ASH1L: variants seen among roughly 807,000 people sequenced by gnomAD.
ASH1L encodes histone-lysine N-methyltransferase ASH1L.
Under a neutral mutation model 269.0 loss-of-function variants are expected in ASH1L, and 23 were observed. That is an observed-to-expected ratio of 0.09 (90% CI 0.06 to 0.12). The LOEUF is 0.12. Ranked by LOEUF, ASH1L falls within the 10% of genes least tolerant of loss-of-function variation. ASH1L has a pLI of 1.00. For synonymous variants in ASH1L, 1,187 were observed against 1,253.5 expected (o/e 0.95, Z 1.12); for missense variants, 2,912 against 3,567.8 (o/e 0.82, Z 4.68).
chr1:155,494,727 T>C (rs1413324347), intron 2 of ASH1L, among the ~76,000 whole-genome samples: 1 of 152,144 alleles, frequency 6.6e-6, no homozygotes, highest in Non-Finnish European at 1.5e-5. Flanking sequence ...AAAATTGAAA[T>C]ACTTACTAAA....
At position 155,344,219 on chromosome 1, in the gene ASH1L, T is replaced by G; in HGVS notation, c.7945A>C (p.Ile2649Leu). The G allele has an allele frequency of 6.2e-7, 1 of 1,614,066 alleles. No individual in the cohort carries two copies. Among genetic ancestry groups the G allele is most frequent in the Non-Finnish European group, 8.5e-7 (1 of 1,180,018 alleles). The change falls in exon 22 of 28, where the codon ATC becomes CTC. Residue 2649 changes from isoleucine (I) to leucine (L), a missense_variant. Physicochemically the swap from Ile to Leu is conservative, Grantham distance 5. Coordinates refer to ENST00000392403, the MANE Select transcript of ASH1L (RefSeq NM_018489.3). ...HYAQPGCVYF[I>L]CLLRDDLLLR... Reference sequence around the variant, plus strand: ...AGCAAGTCATCTCGGAGCAAACAGATGAAGTAGACACAGCCAGGTTGGGCA... The same window carrying G: ...AGCAAGTCATCTCGGAGCAAACAGAGGAAGTAGACACAGCCAGGTTGGGCA...
intron 24 of ASH1L, 140 bp from the exon 25 acceptor site, chr1:155,342,242 T>A (rs540853392): frequency 2.8e-6 from 2 of 724,406 alleles, no homozygotes; most frequent in Non-Finnish European, 4.6e-6. Flanking sequence ...GCAGGACAAC[T>A]AAGCATTTGG....
intron 6 of ASH1L, among the ~76,000 whole-genome samples, chr1:155,410,845 A>G (rs188970244): frequency 2.1e-3 from 316 of 150,018 alleles, no homozygotes; most frequent in African/African-American, 7.5e-3. Flanking sequence ...GGCTCAAGCA[A>G]TCCTCCAGCT....
At chr1:155,557,502 G>A (rs1219992695) in intron 1 of ASH1L, among the ~76,000 whole-genome samples, 2 of 151,572 alleles carry the variant, frequency 1.3e-5, no homozygotes, top group Non-Finnish European at 1.5e-5. Flanking sequence ...GGATGGTCTC[G>A]TTCTCCTGAC....
intron 10 of ASH1L, among the ~76,000 whole-genome samples, chr1:155,374,707 T>C (rs190327571): frequency 3.9e-5 from 6 of 152,352 alleles, no homozygotes; most frequent in Admixed American, 3.9e-4. Context: ...TTCCTGTCTT[T>C]TCTGGTAGAA....
chr1:155,438,221 TA>T, intron 5 of ASH1L, 105 bp downstream of exon 5: 1 of 1,225,902 alleles, frequency 8.2e-7, no homozygotes, highest in Non-Finnish European at 1.1e-6. Flanking sequence ...TCTCATATAG[TA>T]AAAAATGAAA....
intron 15 of ASH1L, among the ~76,000 whole-genome samples, 200 bp downstream of exon 15, chr1:155,357,116 C>CAT (rs1393051486): frequency 1.2e-5 from 1 of 86,304 alleles, no homozygotes; most frequent in Non-Finnish European, 2.0e-5. Flanking sequence ...CACACACACA[C>CAT]ACAAAAGGGT....
At chr1:155,362,864 C>A (rs563870763) in intron 12 of ASH1L, among the ~76,000 whole-genome samples, 17 of 152,298 alleles carry the variant, frequency 1.1e-4, no homozygotes, top group African/African-American at 3.1e-4. Flanking sequence ...GTCTCCTTAC[C>A]AATGTGGAAC....
At chr1:155,376,742 C>A (rs920998653) in intron 10 of ASH1L, among the ~76,000 whole-genome samples, 3 of 151,184 alleles carry the variant, frequency 2.0e-5, no homozygotes, top group Non-Finnish European at 4.4e-5. Flanking sequence ...GTAATCCCAG[C>A]TACTTGGGAG....
Position 155,341,959 on chromosome 1 carries a change from G to C in ASH1L, c.8437C>G (p.Leu2813Val). The C allele has an allele frequency of 6.2e-7, 1 of 1,614,024 alleles. No homozygotes were observed. Among genetic ancestry groups the C allele is most frequent in the Non-Finnish European group, 8.5e-7 (1 of 1,179,944 alleles). ...PYAFDHFPKK[L>V]TPKKDFSPHY... ...ACCGAGAAATCTTTTTTGGGAGTGA[G>C]CTTCTTGGGGAAGTGATCAAAAGCA... Residue 2813 changes from leucine to valine, a missense_variant, in exon 25 of 28, where the codon CTC becomes GTC. Around this residue, in one of 13 missense-constraint regions of ASH1L, gnomAD observed 179 missense variants for 293.8 expected, o/e 0.61. Transcript: ENST00000392403.
At chr1:155,446,611 CTTTT>C (rs1186369283) in intron 4 of ASH1L, among the ~76,000 whole-genome samples, 2 of 132,992 alleles carry the variant, frequency 1.5e-5, no homozygotes, top group South Asian at 2.4e-4. Flanking sequence ...ATTTCAGTTT[CTTTT>C]TTTTTTTTTT....
At chr1:155,349,485 T>G (rs575887287) in intron 18 of ASH1L, 26 bp from the exon 19 acceptor site, 1 of 1,614,074 alleles carries the variant, frequency 6.2e-7, no homozygotes, top group African/African-American at 1.3e-5. Flanking sequence ...AGGGTGTCAA[T>G]CTGGCACACT....
At chr1:155,374,299 TG>T (rs1414280503) in intron 10 of ASH1L, among the ~76,000 whole-genome samples, 6 of 152,048 alleles carry the variant, frequency 3.9e-5, no homozygotes, top group African/African-American at 1.4e-4. Context: ...CACTCCAGCC[TG>T]GGTGACAGAG....
chr1:155,404,324 C>T (rs745642752), intron 6 of ASH1L, among the ~76,000 whole-genome samples: 1 of 151,980 alleles, frequency 6.6e-6, no homozygotes, highest in Non-Finnish European at 1.5e-5. Flanking sequence ...CCACTGTACT[C>T]TAGTCTGGAT....
intron 3 of ASH1L, among the ~76,000 whole-genome samples, chr1:155,466,616 A>G (rs1381031624): frequency 2.0e-5 from 3 of 152,130 alleles, no homozygotes; most frequent in Admixed American, 6.6e-5. Flanking sequence ...GGTACATGTG[A>G]TATTTTGTTA....
intron 10 of ASH1L, among the ~76,000 whole-genome samples, chr1:155,377,405 T>G (rs1043656022): frequency 2.6e-5 from 4 of 152,114 alleles, no homozygotes; most frequent in Non-Finnish European, 5.9e-5. Flanking sequence ...AACCATATAT[T>G]GAGAGCTAGG....
intron 1 of ASH1L, among the ~76,000 whole-genome samples, chr1:155,549,785 C>A (rs1349488942): frequency 6.6e-6 from 1 of 152,050 alleles, no homozygotes. Context: ...TATATCCAAA[C>A]CAAATCCCTC....
At chr1:155,351,305 T>C (rs538601881) in intron 17 of ASH1L, among the ~76,000 whole-genome samples, 2 of 151,266 alleles carry the variant, frequency 1.3e-5, no homozygotes, top group East Asian at 3.9e-4. Flanking sequence ...ATCCCAGCAC[T>C]TTGGGAGGCT....
At chr1:155,397,387 C>T (rs72704166) in intron 6 of ASH1L, among the ~76,000 whole-genome samples, 5,884 of 151,566 alleles carry the variant, frequency 0.039, 161 homozygotes, top group Middle Eastern at 0.062. Context: ...ATCCCAGCTA[C>T]TCAAGAGGCT....
Sources: allele counts gnomAD v4.1 joint callset (sites outside exome capture counted in the v4.1 genomes callset), GRCh38; gene constraint gnomAD v4.1.1; regional missense constraint gnomAD v4.1.1; transcripts MANE v1.5; gene names NCBI Gene and HGNC (gene_info 2026-07-23, HGNC 2026-07-21).